Variants in CHCHD6 observed in about 807,000 individuals in gnomAD.
CHCHD6 encodes coiled-coil-helix-coiled-coil-helix domain containing 6, also known as MICOS complex subunit MIC25.
In CHCHD6, 28 loss-of-function variants were observed where a neutral mutation model predicts 32.3. That is an observed-to-expected ratio of 0.87 (90% CI 0.64 to 1.19). The LOEUF (loss-of-function observed/expected upper bound fraction) is 1.19. Ranked by LOEUF, CHCHD6 falls within the 50% of genes most tolerant of loss-of-function variation. CHCHD6 has a pLI of 0.00. For synonymous variants in CHCHD6, 122 were observed against 117.5 expected (o/e 1.04, Z -0.25); for missense variants, 333 against 307.0 (o/e 1.08, Z -0.63).
At chr3:126,957,832 C>T in intron 7 of CHCHD6, 1 of 526,382 alleles carries the variant, frequency 1.9e-6, no homozygotes, top group Non-Finnish European at 3.5e-6. Context: ...TAAAGTCAGG[C>T]CCCACCTTCA....
At chr3:126,728,037 G>A (rs1214007319) in intron 2 of CHCHD6, among the ~76,000 whole-genome samples, 2 of 151,740 alleles carry the variant, frequency 1.3e-5, no homozygotes, top group Non-Finnish European at 2.9e-5. Context: ...TGTTCAGGTG[G>A]ATAACCACCC....
chr3:126,830,037 G>A (rs903581327), intron 4 of CHCHD6, among the ~76,000 whole-genome samples: 5 of 152,332 alleles, frequency 3.3e-5, no homozygotes, highest in Admixed American at 2.0e-4. Flanking sequence ...GGCAGAGGTT[G>A]CAGTGAGCCG....
intron 4 of CHCHD6, among the ~76,000 whole-genome samples, chr3:126,789,155 G>C (rs1023000503): frequency 6.6e-6 from 1 of 152,160 alleles, no homozygotes; most frequent in Non-Finnish European, 1.5e-5. Context: ...TTAATCCTGA[G>C]TTCTAGTTTG....
intron 4 of CHCHD6, among the ~76,000 whole-genome samples, chr3:126,804,560 G>A (rs1269451228): frequency 6.6e-6 from 1 of 152,170 alleles, no homozygotes. Flanking sequence ...CTGAAATTGT[G>A]GCAATAATCA....
chr3:126,705,372 C>A (rs1677141296), intron 1 of CHCHD6, among the ~76,000 whole-genome samples: 1 of 152,216 alleles, frequency 6.6e-6, no homozygotes, highest in African/African-American at 2.4e-5. Flanking sequence ...AGAATAAAAG[C>A]AGCTCTTATT....
chr3:126,822,011 A>C (rs1470157490), intron 4 of CHCHD6, among the ~76,000 whole-genome samples: 2 of 152,180 alleles, frequency 1.3e-5, no homozygotes, highest in Admixed American at 1.3e-4. Context: ...TCTATGGGGT[A>C]ACTTTTTGCT....
At chr3:126,854,721 C>T (rs73203686) in intron 5 of CHCHD6, 3,973 of 152,572 alleles carry the variant, frequency 0.026, 64 homozygotes, top group Middle Eastern at 0.065. Context: ...AAGTTTAGAA[C>T]TGACAGTAAA....
At chr3:126,760,606 G>T (rs564022783) in intron 4 of CHCHD6, among the ~76,000 whole-genome samples, 22 of 152,240 alleles carry the variant, frequency 1.4e-4, no homozygotes, top group South Asian at 6.2e-4. Flanking sequence ...TTGTCCTTTT[G>T]TAACTGGCTT....
In CHCHD6 at chr3:126,733,198, T is replaced by G. The variant is rs151218463; in HGVS notation, c.387T>G (p.His129Gln). The G allele has an allele frequency of 3.1e-6, 5 of 1,614,080 alleles. No homozygotes were observed. In the Admixed American group the frequency reaches 8.3e-5, roughly 27 times the overall value. Reference protein sequence around the residue: ...SLPTGEGSISHEEQKSVRLAR... With the variant: ...SLPTGEGSISQEEQKSVRLAR... ...CCACGGGCGAAGGCAGCATCAGCCA[T>G]GAGGAGCAGAAGTCAGTCCGGCTGG... Residue 129 changes from histidine to glutamine, a missense_variant, in exon 4 of 8, where the codon CAT becomes CAG. Physicochemically the swap from His to Gln is conservative, Grantham distance 24. Transcript: ENST00000290913.
chr3:126,811,823 GA>G (rs1939668150), intron 4 of CHCHD6, among the ~76,000 whole-genome samples: 1 of 152,182 alleles, frequency 6.6e-6, no homozygotes, highest in African/African-American at 2.4e-5. Flanking sequence ...TATCATGGGG[GA>G]CAGGGCCCAG....
At chr3:126,785,769 C>A (rs1477821737) in intron 4 of CHCHD6, among the ~76,000 whole-genome samples, 1 of 151,988 alleles carries the variant, frequency 6.6e-6, no homozygotes, top group East Asian at 1.9e-4. Context: ...ATAAATGTCC[C>A]AATTTTTCCT....
At chr3:126,835,186 C>T (rs776736846) in intron 4 of CHCHD6, among the ~76,000 whole-genome samples, 1 of 152,166 alleles carries the variant, frequency 6.6e-6, no homozygotes, top group Non-Finnish European at 1.5e-5. Flanking sequence ...CCCACCCTAG[C>T]TGCAGGCCAA....
At chr3:126,926,011 G>T (rs901879489) in intron 6 of CHCHD6, among the ~76,000 whole-genome samples, 2 of 152,154 alleles carry the variant, frequency 1.3e-5, no homozygotes, top group African/African-American at 2.4e-5. Flanking sequence ...CCTTGCCTCC[G>T]CTGCAGAGCA....
intron 5 of CHCHD6, among the ~76,000 whole-genome samples, chr3:126,904,674 C>T (rs1429306599): frequency 2.4e-4 from 36 of 152,180 alleles, no homozygotes; most frequent in Admixed American, 2.4e-3. Context: ...CTAGAACACT[C>T]AGCTGTAAGC....
At chr3:126,816,167 C>G (rs546575655) in intron 4 of CHCHD6, among the ~76,000 whole-genome samples, 2 of 152,240 alleles carry the variant, frequency 1.3e-5, no homozygotes, top group Admixed American at 6.5e-5. Context: ...AGGACCTCCC[C>G]GAGGTCCAAG....
intron 6 of CHCHD6, among the ~76,000 whole-genome samples, chr3:126,917,355 T>C (rs1196632255): frequency 6.6e-6 from 1 of 152,204 alleles, no homozygotes; most frequent in Admixed American, 6.5e-5. Context: ...GCTCTTCCTT[T>C]GTTTGTCTTT....
At chr3:126,839,252 G>A (rs934966753) in intron 4 of CHCHD6, among the ~76,000 whole-genome samples, 6 of 152,080 alleles carry the variant, frequency 3.9e-5, no homozygotes, top group African/African-American at 1.4e-4. Context: ...ACACAATTTA[G>A]CCCCTAGCCT....
At position 126,783,259 on chromosome 3, in the gene CHCHD6, C is replaced by T. The variant is rs146362590; in HGVS notation, c.411+50037C>T. Among the ~76,000 whole-genome samples the T allele has an allele frequency of 3.3e-3, 495 of 152,270 alleles. 5 individuals carry two copies. Among genetic ancestry groups the T allele is most frequent in the African/African-American group, 0.011 (469 of 41,562 alleles). ...GAAAGCATTTGACAAAATTCAACAT[C>T]CTTTCATGATAAAAATCGTCAGCAT... On this transcript the variant is annotated intron_variant, in intron 4 of 7. Transcript: ENST00000290913.
intron 5 of CHCHD6, among the ~76,000 whole-genome samples, chr3:126,867,906 A>G (rs949798924): frequency 1.3e-5 from 2 of 152,204 alleles, no homozygotes; most frequent in Non-Finnish European, 2.9e-5. Flanking sequence ...GACTCTATCT[A>G]GAGTTCATCA....
Sources: gnomAD v4.1 joint callset for allele counts (sites outside exome capture counted in the v4.1 genomes callset) on GRCh38, gnomAD v4.1.1 for gene constraint, MANE v1.5 for transcripts, NCBI Gene and HGNC (gene_info 2026-07-23, HGNC 2026-07-21) for gene names.